The following RBPJ variants were observed in gnomAD, a reference collection of about 807,000 sequenced individuals.
RBPJ encodes recombination signal binding protein for immunoglobulin kappa J region.
RBPJ carries 9 observed loss-of-function variants against 67.8 expected under a neutral mutation model. The observed-to-expected ratio is 0.13, with a 90% CI of 0.08 to 0.23. RBPJ has a LOEUF of 0.23. Among genes scored for constraint, RBPJ ranks in the 10% least tolerant of loss-of-function variants. RBPJ has a pLI of 1.00. For missense variants in RBPJ, 305 were observed against 595.6 expected, an observed-to-expected ratio of 0.51 and a Z score of 5.08; for synonymous variants, 198 against 203.3, an observed-to-expected ratio of 0.97 and a Z score of 0.22.
At chr4:26,186,192 T>TAAAA (rs528707678) in intron 1 of RBPJ, among the ~76,000 whole-genome samples, 2 of 117,060 alleles carry the variant, frequency 1.7e-5, no homozygotes, top group African/African-American at 6.5e-5. Context: ...CCCTTTTTTT[T>TAAAA]AAAAAAAAAA....
chr4:26,214,607 A>G (rs1718570348), intron 1 of RBPJ, among the ~76,000 whole-genome samples: 1 of 130,806 alleles, frequency 7.6e-6, no homozygotes, highest in Admixed American at 7.7e-5. Flanking sequence ...GGAAACAGAG[A>G]GAGAATGAAA....
At chr4:26,407,859 GAA>G (rs2109751178) in intron 3 of RBPJ, among the ~76,000 whole-genome samples, 1 of 147,038 alleles carries the variant, frequency 6.8e-6, no homozygotes, top group Non-Finnish European at 1.5e-5. Flanking sequence ...GATCTGAGCT[GAA>G]AAGAGGGGTA....
At chr4:26,324,980 C>T (rs1432603494) in intron 1 of RBPJ, among the ~76,000 whole-genome samples, 1 of 152,132 alleles carries the variant, frequency 6.6e-6, no homozygotes, top group South Asian at 2.1e-4. Flanking sequence ...ATAACCATGA[C>T]TATAATTTCA....
At chr4:26,333,617 T>G (rs907254423) in intron 1 of RBPJ, among the ~76,000 whole-genome samples, 6 of 152,296 alleles carry the variant, frequency 3.9e-5, no homozygotes, top group African/African-American at 1.4e-4. Flanking sequence ...TTGGAAATTT[T>G]GGGCTCAAGC....
chr4:26,264,760 G>T lies in RBPJ; in HGVS notation c.-166-97686G>T, dbSNP rs560193774. On this transcript the variant is annotated intron_variant, in intron 1 of 4. Transcript: ENST00000512351. The surrounding 1 kb of genome is among the most constrained non-coding windows in gnomAD (Gnocchi z 4.1). ...TTCTTGGCCCCTCAAGATGACGTTG[G>T]TGCCCCTGCACTGTGCTCCCATAAC... 6.6e-6 allele frequency among the ~76,000 whole-genome samples: 1 copy of T among 152,288 alleles called. No individual in the cohort carries two copies. Among genetic ancestry groups the T allele is most frequent in the Non-Finnish European group, 1.5e-5 (1 of 68,022 alleles).
the RBPJ span, among the ~76,000 whole-genome samples, chr4:26,149,303 TG>T: frequency 6.6e-5 from 10 of 152,326 alleles, 1 homozygote; most frequent in Admixed American, 5.2e-4. Flanking sequence ...CTCTCTTCAG[TG>T]ATTTGTCAAG....
chr4:26,283,225 G>A lies in RBPJ; in HGVS notation c.-166-79221G>A, dbSNP rs1291867706. Among the ~76,000 whole-genome samples, 9 of 144,646 alleles carry A rather than the reference G, an allele frequency of 6.2e-5. No homozygotes were observed. The East Asian group carries it at 9.6e-4, about 15-fold the overall frequency. 94.9% of individuals were successfully genotyped at this position (144,646 alleles called of 152,430 possible). The stretch of plus-strand genomic sequence containing the variant: ...ATTACAGGCAGGAGCCACCGCTCCC[G>A]GCCTCTTATTTTTAAATTAAAGATA... On this transcript the variant is annotated intron_variant, in intron 1 of 4. Transcript: ENST00000512351.
intron 1 of RBPJ, among the ~76,000 whole-genome samples, chr4:26,177,877 A>G (rs1047152806): frequency 6.6e-6 from 1 of 152,220 alleles, no homozygotes; most frequent in African/African-American, 2.4e-5. Flanking sequence ...TGCACATGTA[A>G]TAAACACCAT....
chr4:26,330,467 G>A (rs912979444), intron 1 of RBPJ, among the ~76,000 whole-genome samples: 3 of 152,076 alleles, frequency 2.0e-5, no homozygotes, highest in South Asian at 4.2e-4. Context: ...ACTGACCCCC[G>A]GATTATATTC....
At chr4:26,427,359 C>T (rs1273132137) in intron 7 of RBPJ, among the ~76,000 whole-genome samples, 3 of 152,068 alleles carry the variant, frequency 2.0e-5, no homozygotes, top group African/African-American at 4.8e-5. Flanking sequence ...GCTTGAGGTG[C>T]CTGTTAGACA....
chr4:26,434,240 C>G lies in RBPJ; in HGVS notation c.*3233C>G, dbSNP rs536077312. ...CACTCTTACTGCACAGACTTATCTG[C>G]AATCATAACTGGTTAGTTTTTTTGT... is the stretch of plus-strand genomic sequence containing the variant. On this transcript the variant is annotated 3_prime_UTR_variant, in exon 11 of 11. Coordinates refer to ENST00000355476, the MANE Select transcript of RBPJ (RefSeq NM_015874.6). The G allele has an allele frequency of 6.6e-6, 1 of 152,310 alleles. No homozygotes were observed. The highest frequency in any genetic ancestry group is 2.4e-5 in the African/African-American group (1 of 41,572). 9.4% of individuals were successfully genotyped at this position (152,310 alleles called of 1,614,324 possible). A position where few individuals can be genotyped will look rare whatever the true frequency, so the allele number is the denominator to read the frequency against.
rs192918283 is a variant in RBPJ, at chr4:26,344,542, A to G, written c.20+23494A>G. Reference sequence around the variant, plus strand: ...GAGCCACCGCGCCCGGCTGCTAACTATAATTATTAAAAGTAGTTTTACTCA... The same window carrying G: ...GAGCCACCGCGCCCGGCTGCTAACTGTAATTATTAAAAGTAGTTTTACTCA... On this transcript the variant is annotated intron_variant, in intron 1 of 10. Coordinates refer to ENST00000355476, the MANE Select transcript of RBPJ (RefSeq NM_015874.6). Among the ~76,000 whole-genome samples the G allele has an allele frequency of 1.8e-3, 274 of 152,280 alleles. 1 individual carries two copies. Among genetic ancestry groups the G allele is most frequent in the Non-Finnish European group, 2.7e-3 (181 of 68,002 alleles).
At chr4:26,215,049 GAA>G (rs1718634557) in intron 1 of RBPJ, among the ~76,000 whole-genome samples, 3 of 91,506 alleles carry the variant, frequency 3.3e-5, no homozygotes, top group African/African-American at 1.4e-4. Context: ...GGGAGGGAGG[GAA>G]GAGAGAGAGA....
intron 3 of RBPJ, among the ~76,000 whole-genome samples, chr4:26,412,234 C>T (rs1159701154): frequency 6.6e-6 from 1 of 152,090 alleles, no homozygotes; most frequent in African/African-American, 2.4e-5. Flanking sequence ...CTGAAAACCC[C>T]GAGTGCCAAC....
At chr4:26,317,268 T>C (rs2109312986), upstream of RBPJ, among the ~76,000 whole-genome samples, 1 of 150,798 alleles carries the variant, frequency 6.6e-6, no homozygotes, top group Middle Eastern at 3.5e-3. Flanking sequence ...CCTGAGGAGG[T>C]GACATCAGGC....
intron 1 of RBPJ, among the ~76,000 whole-genome samples, chr4:26,247,618 C>G (rs1719971331): frequency 6.6e-6 from 1 of 151,990 alleles, no homozygotes; most frequent in Admixed American, 6.6e-5. Context: ...CCACCTTGGT[C>G]AGGCTGGTCT....
intron 3 of RBPJ, among the ~76,000 whole-genome samples, chr4:26,414,286 C>T (rs1463139790): frequency 6.6e-6 from 1 of 152,104 alleles, no homozygotes; most frequent in Non-Finnish European, 1.5e-5. Context: ...CCTCCCACCT[C>T]AGCCACCAGA....
At chr4:26,254,841 C>CTTT (rs1456152870) in intron 1 of RBPJ, among the ~76,000 whole-genome samples, 18 of 24,454 alleles carry the variant, frequency 7.4e-4, no homozygotes, top group Admixed American at 1.3e-3. Flanking sequence ...CCATGCCCAG[C>CTTT]TATTTTTTTT....
At chr4:26,215,023 A>G (rs1718631562) in intron 1 of RBPJ, among the ~76,000 whole-genome samples, 1 of 70,352 alleles carries the variant, frequency 1.4e-5, no homozygotes, top group African/African-American at 4.8e-5. Context: ...AGAGAAAGAA[A>G]GAAAGAAAAG....
Sources: allele counts gnomAD v4.1 joint callset (sites outside exome capture counted in the v4.1 genomes callset), GRCh38; gene constraint gnomAD v4.1.1; non-coding constraint Gnocchi (gnomAD v3.1); transcripts MANE v1.5; gene names NCBI Gene and HGNC (gene_info 2026-07-23, HGNC 2026-07-21).